C2orf92: variants seen among roughly 807,000 people sequenced by gnomAD.
C2orf92 encodes chromosome 2 open reading frame 92.
chr2:97,679,590 C>G (rs1289960172), intron 3 of C2orf92, among the ~76,000 whole-genome samples: 2 of 151,670 alleles, frequency 1.3e-5, no homozygotes, highest in Non-Finnish European at 2.9e-5. Flanking sequence ...GCCTGTAATC[C>G]CAGCCATTTG....
At position 97,683,521 on chromosome 2, in the gene C2orf92, T is replaced by TA. The variant is rs1029246272; in HGVS notation, c.233-5372dup. Among the ~76,000 whole-genome samples the TA allele has an allele frequency of 1.4e-4, 20 of 139,116 alleles. 1 individual carries two copies. The East Asian group carries it at 4.1e-3, about 29-fold the overall frequency. The allele number at this position is 139,116 out of a possible 152,430, so 91.3% of individuals were successfully genotyped here. The stretch of plus-strand genomic sequence containing the variant: ...TTGAGATCCAGCCTGGGCAACACAA[T>TA]AAGACCTGGTATCTATTAAAAAAAA... On this transcript the variant is annotated intron_variant, in intron 3 of 7. Transcript: ENST00000627399.
At chr2:97,664,316 C>T (rs1675132097) in exon 1 of C2orf92, 1 of 152,444 alleles carries the variant, frequency 6.6e-6, no homozygotes, top group Non-Finnish European at 1.5e-5. Flanking sequence ...ATTCACCGGT[C>T]CAGGAAGACG....
At chr2:97,696,251 T>C (rs1385038674) in intron 5 of C2orf92, among the ~76,000 whole-genome samples, 2 of 151,936 alleles carry the variant, frequency 1.3e-5, no homozygotes, top group African/African-American at 4.8e-5. Flanking sequence ...TTTTTCCAAG[T>C]AGGAAGAGTG....
upstream of C2orf92, chr2:97,669,618 T>G: frequency 2.6e-6 from 1 of 391,804 alleles, no homozygotes; most frequent in Non-Finnish European, 4.5e-6. Context: ...CCCGTCACTG[T>G]CCACAGACAC....
intron 1 of C2orf92, among the ~76,000 whole-genome samples, chr2:97,673,502 G>A (rs1025865177): frequency 2.0e-5 from 3 of 152,166 alleles, no homozygotes; most frequent in Non-Finnish European, 2.9e-5. Context: ...TGTTGGTGAA[G>A]GAAGTTGACA....
upstream of C2orf92, among the ~76,000 whole-genome samples, chr2:97,666,707 ATGT>A (rs1675241558): frequency 6.6e-6 from 1 of 151,002 alleles, no homozygotes; most frequent in Non-Finnish European, 1.5e-5. Flanking sequence ...GCCGGGCATG[ATGT>A]TGTGCGCCTG....
chr2:97,698,405 G>A (rs968659256), intron 5 of C2orf92, among the ~76,000 whole-genome samples: 5 of 152,114 alleles, frequency 3.3e-5, no homozygotes, highest in Non-Finnish European at 7.3e-5. Context: ...TCTCATTTTC[G>A]ACTGTCTTCT....
intron 5 of C2orf92, among the ~76,000 whole-genome samples, chr2:97,695,531 C>A (rs549587946): frequency 6.6e-6 from 1 of 152,194 alleles, no homozygotes; most frequent in South Asian, 2.1e-4. Context: ...ATAAAAAATG[C>A]CCCTGAATAA....
chr2:97,676,722 T>C (rs1343618889), intron 3 of C2orf92, among the ~76,000 whole-genome samples: 3 of 148,610 alleles, frequency 2.0e-5, no homozygotes, highest in Non-Finnish European at 4.5e-5. Flanking sequence ...CCATGAGCTA[T>C]GATTGTGCCA....
chr2:97,666,252 T>A (rs1327916115), upstream of C2orf92, among the ~76,000 whole-genome samples: 2 of 149,758 alleles, frequency 1.3e-5, no homozygotes, highest in African/African-American at 4.9e-5. Flanking sequence ...TAAGATGGAG[T>A]TGGGGCCGGG....
intron 3 of C2orf92, among the ~76,000 whole-genome samples, chr2:97,682,084 A>G (rs899059681): frequency 3.3e-5 from 5 of 152,182 alleles, no homozygotes; most frequent in Admixed American, 2.0e-4. Flanking sequence ...AGATAGGTGA[A>G]GAAAGAAGAG....
intron 3 of C2orf92, among the ~76,000 whole-genome samples, chr2:97,678,207 T>TA (rs1220198825): frequency 0.011 from 743 of 68,824 alleles, 4 homozygotes; most frequent in African/African-American, 0.038. Context: ...CTCAAAAAAA[T>TA]AAAAAAAAAA....
In C2orf92 at chr2:97,669,774, T is replaced by G. The variant is rs1439034123; in HGVS notation, c.-15T>G. ...AGACTGGCTTCTCCATGATGGTTTATGGACTAAGGCAAAGATGAGCAGAGC... is the reference window on the plus strand; with the variant it reads ...AGACTGGCTTCTCCATGATGGTTTAGGGACTAAGGCAAAGATGAGCAGAGC... On this transcript the variant is annotated 5_prime_UTR_variant, in exon 1 of 8. An upstream start codon of the reference 5' UTR is lost. Coordinates refer to ENST00000627399, the MANE Select transcript of C2orf92 (RefSeq NM_001351368.2). 5 of 398,582 alleles carry G rather than the reference T, an allele frequency of 1.3e-5. No individual in the cohort carries two copies. Among genetic ancestry groups the G allele is most frequent in the Admixed American group, 4.4e-5 (1 of 22,722 alleles). 24.7% of individuals were successfully genotyped at this position (398,582 alleles called of 1,614,324 possible). A position where few individuals can be genotyped will look rare whatever the true frequency, so the allele number is the denominator to read the frequency against.
chr2:97,688,540 A>T (rs1676035577), intron 3 of C2orf92, among the ~76,000 whole-genome samples: 1 of 152,210 alleles, frequency 6.6e-6, no homozygotes. Context: ...GTGCCCTCAC[A>T]AACTTTACCC....
upstream of C2orf92, among the ~76,000 whole-genome samples, chr2:97,666,677 T>C (rs376417395): frequency 1.1e-3 from 170 of 151,578 alleles, no homozygotes; most frequent in African/African-American, 3.9e-3. Context: ...ACCCTGTCTC[T>C]ACAAAAAATA....
chr2:97,677,388 A>G (rs1208846659), intron 3 of C2orf92: 3 of 152,238 alleles, frequency 2.0e-5, no homozygotes, highest in Admixed American at 1.3e-4. Flanking sequence ...TAAGGAAATA[A>G]TGTTTTTTGT....
chr2:97,694,324 C>T (rs1258937827), intron 5 of C2orf92: 1 of 151,498 alleles, frequency 6.6e-6, no homozygotes, highest in Non-Finnish European at 1.5e-5. Context: ...ACTGCAACCT[C>T]CTCCTCCTGG....
intron 6 of C2orf92, among the ~76,000 whole-genome samples, 193 bp from the exon 7 acceptor site, chr2:97,700,961 G>A (rs993441761): frequency 1.3e-5 from 2 of 152,220 alleles, no homozygotes; most frequent in African/African-American, 2.4e-5. Flanking sequence ...TCGATCTCCT[G>A]ACCTCGTGAT....
chr2:97,666,319 C>T (rs181931328), upstream of C2orf92, among the ~76,000 whole-genome samples: 1,428 of 151,904 alleles, frequency 9.4e-3, 31 homozygotes, highest in African/African-American at 0.032. Context: ...GGGCAGATCA[C>T]GAGGTCAGGA....
Sources: allele counts gnomAD v4.1 joint callset (sites outside exome capture counted in the v4.1 genomes callset), GRCh38; gene constraint gnomAD v4.1.1; transcripts MANE v1.5; gene names NCBI Gene and HGNC (gene_info 2026-07-23, HGNC 2026-07-21).